The following WWOX variants were observed in gnomAD, a reference collection of about 807,000 sequenced individuals.
The protein encoded by WWOX is WW domain-containing oxidoreductase.
Under a neutral mutation model 46.2 loss-of-function variants are expected in WWOX, and 69 were observed. That is an observed-to-expected ratio of 1.49 (90% CI 1.23 to 1.82). The LOEUF (loss-of-function observed/expected upper bound fraction) is 1.82, where lower values mean the gene tolerates loss of function less well. Among genes scored for constraint, WWOX ranks in the 40% most tolerant of loss-of-function variants. The pLI is 0.00. For synonymous variants in WWOX, 359 were observed against 202.6 expected (o/e 1.77, Z -6.56); for missense variants, 919 against 542.6 (o/e 1.69, Z -6.89).
At chr16:78,155,310 C>T (rs2034561128) in intron 4 of WWOX, among the ~76,000 whole-genome samples, 1 of 152,010 alleles carries the variant, frequency 6.6e-6, no homozygotes, top group Non-Finnish European at 1.5e-5. Context: ...AAAGTATGGG[C>T]CACACAAAAC....
At chr16:78,804,702 T>A (rs1218442277) in intron 8 of WWOX, among the ~76,000 whole-genome samples, 1 of 152,230 alleles carries the variant, frequency 6.6e-6, no homozygotes, top group East Asian at 1.9e-4. Context: ...TTTTTCTAAT[T>A]TAGTGCTTGA....
intron 8 of WWOX, among the ~76,000 whole-genome samples, chr16:78,483,121 T>G (rs1345949883): frequency 6.6e-6 from 1 of 152,188 alleles, no homozygotes; most frequent in African/African-American, 2.4e-5. Context: ...TGGAGATGGC[T>G]CTCGATATGC....
chr16:79,109,308 T>TAAA (rs1379330513), intron 8 of WWOX, among the ~76,000 whole-genome samples: 2 of 152,176 alleles, frequency 1.3e-5, no homozygotes, highest in Non-Finnish European at 2.9e-5. Context: ...GACCCCCAGT[T>TAAA]TCTATCGAGC....
At chr16:78,390,538 G>T (rs1036434039) in intron 6 of WWOX, among the ~76,000 whole-genome samples, 7 of 152,176 alleles carry the variant, frequency 4.6e-5, no homozygotes, top group Non-Finnish European at 8.8e-5. Context: ...GAGAGTACAG[G>T]ATTTTACATG....
chr16:78,419,427 A>G (rs2082871956), intron 6 of WWOX, among the ~76,000 whole-genome samples: 1 of 152,106 alleles, frequency 6.6e-6, no homozygotes, highest in African/African-American at 2.4e-5. Flanking sequence ...TCATATTGGC[A>G]TAAGAATAGA....
chr16:78,156,314 A>G (rs550004638), intron 4 of WWOX, among the ~76,000 whole-genome samples: 1 of 152,138 alleles, frequency 6.6e-6, no homozygotes, highest in Non-Finnish European at 1.5e-5. Context: ...GTTTGGGAAA[A>G]TAAAATTTGA....
rs2080521574 is a variant in WWOX at position 78,323,033 on chromosome 16, C to T, written c.517-63827C>T. 2.0e-5 allele frequency among the ~76,000 whole-genome samples: 3 copies of T among 152,044 alleles called. No homozygotes were observed. The South Asian group carries it at 6.2e-4, about 31-fold the overall frequency. ...CTCCAGCCTGGGTGACAGAATGAGACTCTGTCTCAAAAAGAAGAAAATAAA... is the reference window on the plus strand; with the variant it reads ...CTCCAGCCTGGGTGACAGAATGAGATTCTGTCTCAAAAAGAAGAAAATAAA... On this transcript the variant is annotated intron_variant, in intron 5 of 8. Coordinates refer to ENST00000566780, the MANE Select transcript of WWOX (RefSeq NM_016373.4).
intron 8 of WWOX, among the ~76,000 whole-genome samples, chr16:78,588,805 C>T (rs75608741): frequency 0.079 from 12,013 of 152,126 alleles, 579 homozygotes; most frequent in East Asian, 0.18. Context: ...GGAGCTGAAC[C>T]CAGAGTGGTC....
chr16:78,694,482 C>T (rs1434587972), intron 8 of WWOX, among the ~76,000 whole-genome samples: 2 of 152,136 alleles, frequency 1.3e-5, no homozygotes, highest in Non-Finnish European at 2.9e-5. Flanking sequence ...TCTTGCTTTC[C>T]ATTGCTTTGC....
chr16:78,368,379 T>A (rs928202891), intron 5 of WWOX, among the ~76,000 whole-genome samples: 2 of 152,216 alleles, frequency 1.3e-5, no homozygotes, highest in African/African-American at 4.8e-5. Context: ...GGATGCTTTG[T>A]AGACCTGATA....
At chr16:78,544,008 C>T (rs2043962439) in intron 8 of WWOX, among the ~76,000 whole-genome samples, 1 of 152,114 alleles carries the variant, frequency 6.6e-6, no homozygotes, top group Non-Finnish European at 1.5e-5. Flanking sequence ...ACTTACATCC[C>T]TCAGTTTCAA....
intron 8 of WWOX, among the ~76,000 whole-genome samples, chr16:78,455,576 G>A (rs1160145290): frequency 6.9e-6 from 1 of 145,914 alleles, no homozygotes; most frequent in African/African-American, 2.6e-5. Flanking sequence ...CTGGGAGTAG[G>A]AGGCTGCAGT....
At chr16:78,686,207 C>T (rs563553942) in intron 8 of WWOX, among the ~76,000 whole-genome samples, 4 of 152,240 alleles carry the variant, frequency 2.6e-5, no homozygotes, top group African/African-American at 9.6e-5. Context: ...GCAACACCAG[C>T]ATCACTCAGA....
intron 8 of WWOX, among the ~76,000 whole-genome samples, chr16:78,798,343 C>A (rs1170570357): frequency 6.6e-6 from 1 of 152,116 alleles, no homozygotes; most frequent in Admixed American, 6.5e-5. Flanking sequence ...TTGCCTTTCC[C>A]TAGCTAGAGG....
chr16:78,855,628 G>A (rs944907998), intron 8 of WWOX, among the ~76,000 whole-genome samples: 2 of 152,194 alleles, frequency 1.3e-5, no homozygotes, highest in Admixed American at 6.5e-5. Flanking sequence ...GCTAACCGAA[G>A]AGGGAAGACA....
At chr16:78,919,134 A>G (rs1251054670) in intron 8 of WWOX, among the ~76,000 whole-genome samples, 2 of 152,194 alleles carry the variant, frequency 1.3e-5, no homozygotes, top group South Asian at 4.1e-4. Flanking sequence ...AACACACGGA[A>G]CAATGACCGC....
chr16:78,950,533 TACACAC>T (rs141591649), intron 8 of WWOX, among the ~76,000 whole-genome samples: 2,049 of 147,050 alleles, frequency 0.014, 49 homozygotes, highest in African/African-American at 0.049. Flanking sequence ...CACACACACA[TACACAC>T]ACACACACAC....
intron 8 of WWOX, among the ~76,000 whole-genome samples, chr16:78,965,566 C>G (rs1286153227): frequency 3.6e-5 from 5 of 139,116 alleles, no homozygotes; most frequent in Non-Finnish European, 7.6e-5. Context: ...AAAACTCCAT[C>G]TTAAAAAAAA....
At chr16:78,857,240 A>G (rs891366687) in intron 8 of WWOX, among the ~76,000 whole-genome samples, 22 of 152,230 alleles carry the variant, frequency 1.4e-4, no homozygotes, top group Admixed American at 1.4e-3. Flanking sequence ...AATTCATTGA[A>G]AAGAATTGGC....
Sources: gnomAD v4.1 joint callset for allele counts (sites outside exome capture counted in the v4.1 genomes callset) on GRCh38, gnomAD v4.1.1 for gene constraint, MANE v1.5 for transcripts, NCBI Gene and HGNC (gene_info 2026-07-23, HGNC 2026-07-21) for gene names.